SCAF4: variants seen among roughly 807,000 people sequenced by gnomAD.
The protein encoded by SCAF4 is SR-related CTD associated factor 4, also known as SR-related and CTD-associated factor 4.
SCAF4 carries 25 observed loss-of-function variants against 129.8 expected under a neutral mutation model. The observed-to-expected ratio is 0.19, with a 90% CI of 0.14 to 0.27. SCAF4 has a LOEUF of 0.27. Among genes scored for constraint, SCAF4 ranks in the 10% least tolerant of loss-of-function variants. The pLI is 1.00. For synonymous variants in SCAF4, 551 were observed against 497.7 expected, an observed-to-expected ratio of 1.11 and a Z score of -1.43; for missense variants, 1,246 against 1,457.1, an observed-to-expected ratio of 0.86 and a Z score of 2.36.
chr21:31,684,959 G>T (rs2050078826), intron 19 of SCAF4, 90 bp downstream of exon 19: 1 of 596,080 alleles, frequency 1.7e-6, no homozygotes, highest in Non-Finnish European at 2.8e-6. Context: ...AATTAACATT[G>T]TTTTTTTAAA....
Position 31,727,088 on chromosome 21 carries a change from C to CT in SCAF4, c.30+4574dup, listed in dbSNP as rs34324245. On this transcript the variant is annotated intron_variant, in intron 1 of 19. Transcript: ENST00000286835. Reference sequence around the variant, plus strand: ...CTGCACTATTTTTGTACTTTTTTTTCTTTTTTTTAAGATGGACTCTCACAC... The same window carrying CT: ...CTGCACTATTTTTGTACTTTTTTTTCTTTTTTTTTAAGATGGACTCTCACAC... Among the ~76,000 whole-genome samples, 62 of 151,182 alleles carry CT rather than the reference C, an allele frequency of 4.1e-4. 1 individual carries two copies. The highest frequency in any genetic ancestry group is 6.2e-4 in the Non-Finnish European group (42 of 67,772).
intron 19 of SCAF4, among the ~76,000 whole-genome samples, chr21:31,679,814 T>C (rs893985495): frequency 4.6e-5 from 7 of 152,200 alleles, no homozygotes; most frequent in Non-Finnish European, 5.9e-5. Flanking sequence ...TAATGTACAG[T>C]AGGCTCTGCA....
intron 1 of SCAF4, among the ~76,000 whole-genome samples, chr21:31,708,800 C>G (rs921315566): frequency 1.3e-5 from 2 of 152,186 alleles, no homozygotes; most frequent in African/African-American, 2.4e-5. Context: ...TCATGCCAAA[C>G]ACTTAAGACA....
At position 31,717,841 on chromosome 21, in the gene SCAF4, A is replaced by ATG. The variant is rs1555853912; in HGVS notation, c.31-11485_31-11484insCA. 4.5e-3 allele frequency among the ~76,000 whole-genome samples: 377 copies of ATG among 83,332 alleles called. 11 individuals carry two copies. Among genetic ancestry groups the ATG allele is most frequent in the African/African-American group, 0.015 (359 of 23,474 alleles). 54.7% of individuals were successfully genotyped at this position (83,332 alleles called of 152,430 possible). A position where few individuals can be genotyped will look rare whatever the true frequency, so the allele number is the denominator to read the frequency against. On this transcript the variant is annotated intron_variant, in intron 1 of 19. Transcript: ENST00000286835. The stretch of plus-strand genomic sequence containing the variant: ...AAACTGCTGCCATATATATATATAT[A>ATG]TACACACACACACACACACACACAC...
chr21:31,695,082 GA>G (rs1400226778), intron 9 of SCAF4, 102 bp from the exon 10 acceptor site: 3 of 938,518 alleles, frequency 3.2e-6, no homozygotes, highest in Non-Finnish European at 4.8e-6. Flanking sequence ...TTTGATCAAG[GA>G]AAAGTTACAA....
chr21:31,712,973 G>T, intron 1 of SCAF4: 1 of 529,868 alleles, frequency 1.9e-6, no homozygotes, highest in Non-Finnish European at 2.4e-6. Flanking sequence ...ACCAATCCCC[G>T]ACTTTTGTTT....
At position 31,685,199 on chromosome 21, in the gene SCAF4, A is replaced by G. The variant is rs377568494; in HGVS notation, c.2338T>C (p.Ser780Pro). 1.7e-5 allele frequency: 28 copies of G among 1,611,796 alleles called. No homozygotes were observed. Among genetic ancestry groups the G allele is most frequent in the East Asian group, 2.2e-5 (1 of 44,886 alleles). Residue 780 changes from serine to proline, a missense_variant, in exon 19 of 20, where the codon TCT (serine) becomes CCT (proline). Physicochemically the swap from Ser to Pro is moderately conservative, Grantham distance 74 (BLOSUM62 -1). This residue lies in a region of SCAF4 where 468 missense variants were observed against 605.5 expected (regional missense o/e 0.77). Coordinates refer to ENST00000286835, the MANE Select transcript of SCAF4 (RefSeq NM_020706.2). ...ACTGTTGGAATGGGATTTCCAATAGATAAGTCTTTTGTAGTGTCTTCATTT... is the reference window on the plus strand; with the variant it reads ...ACTGTTGGAATGGGATTTCCAATAGGTAAGTCTTTTGTAGTGTCTTCATTT... ...GINEDTTKDL[S>P]IGNPIPTVVS...
intron 19 of SCAF4, among the ~76,000 whole-genome samples, chr21:31,677,644 T>C (rs2049892419): frequency 6.6e-6 from 1 of 152,092 alleles, no homozygotes; most frequent in African/African-American, 2.4e-5. Flanking sequence ...TTCACCTCTC[T>C]CCCCCTCTTT....
At chr21:31,691,564 G>C (rs1447478239) in intron 14 of SCAF4, among the ~76,000 whole-genome samples, 1 of 151,066 alleles carries the variant, frequency 6.6e-6, no homozygotes, top group African/African-American at 2.4e-5. Flanking sequence ...AATTTACCAT[G>C]ATGAACCCAT....
chr21:31,679,171 T>A (rs921105256), intron 19 of SCAF4, among the ~76,000 whole-genome samples: 1 of 152,224 alleles, frequency 6.6e-6, no homozygotes, highest in African/African-American at 2.4e-5. Context: ...AACCTCCTTT[T>A]CTGTTCTTTG....
chr21:31,693,218 C>T (rs1435288186), intron 12 of SCAF4, 76 bp downstream of exon 12: 11 of 1,055,826 alleles, frequency 1.0e-5, no homozygotes, highest in Non-Finnish European at 1.4e-5. Context: ...TATAGTTTTG[C>T]TAACAGTTAT....
chr21:31,684,230 A>G (rs1420102752), intron 19 of SCAF4: 2 of 153,356 alleles, frequency 1.3e-5, no homozygotes, highest in African/African-American at 2.4e-5. Flanking sequence ...GGACTAGAAC[A>G]CTGTAATACT....
chr21:31,693,060 A>G (rs1447163383), intron 12 of SCAF4, among the ~76,000 whole-genome samples: 1 of 152,206 alleles, frequency 6.6e-6, no homozygotes, highest in Non-Finnish European at 1.5e-5. Flanking sequence ...AAGTGAATAC[A>G]TTCTGTAAAT....
chr21:31,690,121 C>T (rs1028683459), intron 15 of SCAF4, among the ~76,000 whole-genome samples: 17 of 152,142 alleles, frequency 1.1e-4, no homozygotes, highest in African/African-American at 3.9e-4. Flanking sequence ...TTGTCTTACA[C>T]GTTTACTTTA....
At chr21:31,724,927 G>C (rs1488726181) in intron 1 of SCAF4, among the ~76,000 whole-genome samples, 1 of 152,144 alleles carries the variant, frequency 6.6e-6, no homozygotes, top group Non-Finnish European at 1.5e-5. Context: ...CTTACAACAA[G>C]AACATCAGTG....
Position 31,705,526 on chromosome 21 carries a change from T to C in SCAF4, c.115-59A>G, listed in dbSNP as rs574006717. 5.7e-5 allele frequency: 43 copies of C among 752,016 alleles called. No homozygotes were observed. The East Asian group carries it at 1.0e-3, about 18-fold the overall frequency. The allele number at this position is 752,016 out of a possible 1,614,324, so 46.6% of individuals were successfully genotyped here. A position where few individuals can be genotyped will look rare whatever the true frequency, so the allele number is the denominator to read the frequency against. On this transcript the variant is annotated intron_variant, in intron 2 of 19. Transcript: ENST00000286835. ...TTACTTATTTCTACATTTCCTATAA[T>C]TAGAAAATTCTTAAAACTCTGAAAT...
chr21:31,692,902 T>C (rs532917817), intron 12 of SCAF4, among the ~76,000 whole-genome samples: 1 of 152,360 alleles, frequency 6.6e-6, no homozygotes, highest in Admixed American at 6.5e-5. Flanking sequence ...ATAAGCCTTA[T>C]GGAATCAGAA....
intron 1 of SCAF4, among the ~76,000 whole-genome samples, chr21:31,726,327 G>C (rs897091986): frequency 1.2e-4 from 18 of 152,110 alleles, no homozygotes; most frequent in African/African-American, 4.3e-4. Context: ...TTACAGGTGT[G>C]AGCCACCACG....
intron 19 of SCAF4, among the ~76,000 whole-genome samples, chr21:31,675,383 T>C (rs966320336): frequency 1.3e-5 from 2 of 152,160 alleles, no homozygotes; most frequent in African/African-American, 4.8e-5. Context: ...CGAGAGTAGT[T>C]AGGCACTTAT....
Sources: allele counts gnomAD v4.1 joint callset (sites outside exome capture counted in the v4.1 genomes callset), GRCh38; gene constraint gnomAD v4.1.1; regional missense constraint gnomAD v4.1.1; transcripts MANE v1.5; gene names NCBI Gene and HGNC (gene_info 2026-07-23, HGNC 2026-07-21).